The following FAM53B variants were observed in gnomAD, a reference collection of about 807,000 sequenced individuals.
FAM53B encodes the protein protein FAM53B.
FAM53B carries 12 observed loss-of-function variants against 32.7 expected under a neutral mutation model. The observed-to-expected ratio is 0.37, with a 90% CI of 0.24 to 0.59. The LOEUF is 0.59. FAM53B is among the 20% of genes least tolerant of loss of function. The probability of loss-of-function intolerance (pLI) is 0.72; values close to 1 mark genes in which losing one functional copy is unlikely to be tolerated. For synonymous variants in FAM53B, 234 were observed against 228.7 expected (o/e 1.02, Z -0.21); for missense variants, 477 against 577.7 (o/e 0.83, Z 1.79).
In FAM53B at chr10:124,623,623, A is replaced by T. The variant is rs1352168608; in HGVS notation, c.907-19T>A. 1.2e-6 allele frequency: 2 copies of T among 1,602,574 alleles called. No individual in the cohort carries two copies. Among genetic ancestry groups the T allele is most frequent in the South Asian group, 2.2e-5 (2 of 89,716 alleles). ...GACAGTTCTGTGGAGGGGCAGACACACAGGTTACTAAGGGTTACTCCCCTC... is the reference window on the plus strand; with the variant it reads ...GACAGTTCTGTGGAGGGGCAGACACTCAGGTTACTAAGGGTTACTCCCCTC... On this transcript the variant is annotated intron_variant, in intron 4 of 4. Coordinates refer to ENST00000337318, the MANE Select transcript of FAM53B (RefSeq NM_014661.4).
intron 4 of FAM53B, among the ~76,000 whole-genome samples, chr10:124,625,269 G>A (rs923583966): frequency 3.3e-5 from 5 of 152,192 alleles, no homozygotes; most frequent in African/African-American, 4.8e-5. Flanking sequence ...GGAGGAAGCC[G>A]TTCTGATGGG....
intron 1 of FAM53B, among the ~76,000 whole-genome samples, chr10:124,730,954 C>T (rs1950138633): frequency 6.6e-6 from 1 of 152,158 alleles, no homozygotes; most frequent in Non-Finnish European, 1.5e-5. Context: ...ACAGACATTA[C>T]CTACACAAAC....
At chr10:124,663,912 C>T (rs905072395) in intron 4 of FAM53B, among the ~76,000 whole-genome samples, 12 of 152,174 alleles carry the variant, frequency 7.9e-5, no homozygotes, top group African/African-American at 2.4e-4. Flanking sequence ...CCAGGTCTCC[C>T]GAGCCTGGCA....
chr10:124,657,027 TTAAAGTA>T (rs1257713023), intron 4 of FAM53B, among the ~76,000 whole-genome samples: 1 of 149,028 alleles, frequency 6.7e-6, no homozygotes, highest in Non-Finnish European at 1.5e-5. Context: ...ACCCTAGAAC[TTAAAGTA>T]TAAATATATA....
In FAM53B at chr10:124,649,267, T is replaced by C. The variant is rs1949540209; in HGVS notation, c.907-25663A>G. 3.3e-5 allele frequency among the ~76,000 whole-genome samples: 5 copies of C among 152,210 alleles called. 1 individual carries two copies. The South Asian group carries it at 1.0e-3, about 31-fold the overall frequency. On this transcript the variant is annotated intron_variant, in intron 4 of 4. Coordinates refer to ENST00000337318, the MANE Select transcript of FAM53B (RefSeq NM_014661.4). ...GGATTATTTCGAAGTTTCCATGTCT[T>C]CCAAGAAAAAATATTGTTGTCTCAG... is the stretch of plus-strand genomic sequence containing the variant.
intron 3 of FAM53B, among the ~76,000 whole-genome samples, chr10:124,689,358 T>C (rs540126379): frequency 6.6e-6 from 1 of 152,336 alleles, no homozygotes; most frequent in African/African-American, 2.4e-5. Flanking sequence ...TCTGGCTCCC[T>C]GGAGAGTCTC....
intron 4 of FAM53B, among the ~76,000 whole-genome samples, chr10:124,626,341 A>G (rs539650179): frequency 2.9e-5 from 4 of 140,250 alleles, no homozygotes; most frequent in Non-Finnish European, 1.5e-5. Context: ...GGCCACCATG[A>G]TTGTGTGGGT....
At chr10:124,715,419 T>C (rs1436946152) in intron 1 of FAM53B, among the ~76,000 whole-genome samples, 1 of 151,946 alleles carries the variant, frequency 6.6e-6, no homozygotes, top group Non-Finnish European at 1.5e-5. Flanking sequence ...CTGCAGGGAG[T>C]CACAATGGCT....
chr10:124,733,714 G>A lies in FAM53B; in HGVS notation c.-175+10299C>T, dbSNP rs1423767176. 4.6e-5 allele frequency among the ~76,000 whole-genome samples: 7 copies of A among 152,188 alleles called. No homozygotes were observed. In the East Asian group the frequency reaches 7.7e-4, roughly 17 times the overall value. The stretch of plus-strand genomic sequence containing the variant: ...AAGACCACATCACTCTGGCCAAGGC[G>A]GCACTTGATGAAAATTCTCAGAGGC... On this transcript the variant is annotated intron_variant, in intron 1 of 4. Transcript: ENST00000337318. The surrounding 1 kb of genome is among the most constrained non-coding windows in gnomAD (Gnocchi z 4.3).
At chr10:124,743,256 C>T (rs1303337610) in intron 1 of FAM53B, among the ~76,000 whole-genome samples, 1 of 152,198 alleles carries the variant, frequency 6.6e-6, no homozygotes, top group Non-Finnish European at 1.5e-5. Flanking sequence ...CAAGAGAAAC[C>T]CTGAGCGGGG....
In FAM53B at chr10:124,681,834, G is replaced by C; in HGVS notation, c.679C>G (p.Arg227Gly). 1 of 1,611,736 alleles carries C rather than the reference G, an allele frequency of 6.2e-7. No homozygotes were observed. The change falls in exon 4 of 5, where the codon CGG becomes GGG. Residue 227 changes from arginine (R) to glycine (G), a missense_variant. Physicochemically the swap from Arg to Gly is moderately radical, Grantham distance 125 (BLOSUM62 -2). Coordinates refer to ENST00000337318, the MANE Select transcript of FAM53B (RefSeq NM_014661.4). ...PVGGGRLDLQRSLSCSHEQFS... is the reference protein window; with the variant it reads ...PVGGGRLDLQGSLSCSHEQFS... ...TGCTCATGTGAGCAAGAGAGGGACC[G>C]CTGCAGGTCCAGCCGGCCTCCTCCC... is the stretch of plus-strand genomic sequence containing the variant.
intron 1 of FAM53B, among the ~76,000 whole-genome samples, chr10:124,740,756 G>A (rs1170183029): frequency 6.6e-6 from 1 of 152,224 alleles, no homozygotes; most frequent in African/African-American, 2.4e-5. Context: ...TTTCAGAAAG[G>A]AGTTGAGGGA....
At chr10:124,696,044 G>A (rs991872993) in intron 3 of FAM53B, 114 bp downstream of exon 3, 28 of 851,458 alleles carry the variant, frequency 3.3e-5, no homozygotes, top group Non-Finnish European at 4.9e-5. Flanking sequence ...GAGTCCCGGG[G>A]CTGCTCTTTT....
At position 124,651,010 on chromosome 10, in the gene FAM53B, G is replaced by A. The variant is rs557679936; in HGVS notation, c.907-27406C>T. ...GGCTCCACGCATGTGAATTAGCCAC[G>A]CCAGACACTGGGAGCCCCCCAATCT... On this transcript the variant is annotated intron_variant, in intron 4 of 4. Coordinates refer to ENST00000337318, the MANE Select transcript of FAM53B (RefSeq NM_014661.4). The surrounding 1 kb of genome is among the most constrained non-coding windows in gnomAD (Gnocchi z 5.2). Among the ~76,000 whole-genome samples, 97 of 151,816 alleles carry A rather than the reference G, an allele frequency of 6.4e-4. No individual in the cohort carries two copies. Among genetic ancestry groups the A allele is most frequent in the Non-Finnish European group, 1.1e-3 (72 of 67,952 alleles).
At position 124,664,338 on chromosome 10, in the gene FAM53B, C is replaced by T. The variant is rs572080369; in HGVS notation, c.906+17269G>A. Among the ~76,000 whole-genome samples, 73 of 152,352 alleles carry T rather than the reference C, an allele frequency of 4.8e-4. 1 individual carries two copies. Among genetic ancestry groups the T allele is most frequent in the Middle Eastern group, 6.8e-3 (2 of 294 alleles). On this transcript the variant is annotated intron_variant, in intron 4 of 4. Coordinates refer to ENST00000337318, the MANE Select transcript of FAM53B (RefSeq NM_014661.4). ...CAGGCATGGGAAGTGGGCAAAACCCCAGCCAAAGCAGGCCTCCGGGGCCAA... is the reference window on the plus strand; with the variant it reads ...CAGGCATGGGAAGTGGGCAAAACCCTAGCCAAAGCAGGCCTCCGGGGCCAA...
chr10:124,674,583 C>A (rs149181754), intron 4 of FAM53B, among the ~76,000 whole-genome samples: 6 of 152,228 alleles, frequency 3.9e-5, no homozygotes, highest in Admixed American at 6.5e-5. Context: ...TCTCAGCCCA[C>A]GCTCCCTGCT....
At chr10:124,627,187 T>C (rs1266561054) in intron 4 of FAM53B, among the ~76,000 whole-genome samples, 3 of 152,144 alleles carry the variant, frequency 2.0e-5, no homozygotes, top group African/African-American at 7.2e-5. Flanking sequence ...ACTGCCACAA[T>C]GGGGCGGTGT....
At chr10:124,654,809 C>T (rs1347956676) in intron 4 of FAM53B, among the ~76,000 whole-genome samples, 1 of 152,166 alleles carries the variant, frequency 6.6e-6, no homozygotes, top group Non-Finnish European at 1.5e-5. Context: ...TGAGCAGGCC[C>T]CTTCCAGAAG....
At chr10:124,710,263 G>C (rs893248025) in intron 1 of FAM53B, among the ~76,000 whole-genome samples, 1 of 152,242 alleles carries the variant, frequency 6.6e-6, no homozygotes, top group Non-Finnish European at 1.5e-5. Flanking sequence ...GGAGCTGGCT[G>C]CTTTGATCTG....
Sources: gnomAD v4.1 joint callset for allele counts (sites outside exome capture counted in the v4.1 genomes callset) on GRCh38, gnomAD v4.1.1 for gene constraint, Gnocchi (gnomAD v3.1) non-coding constraint, MANE v1.5 for transcripts, NCBI Gene and HGNC (gene_info 2026-07-23, HGNC 2026-07-21) for gene names.